Variants in RNF157 observed in about 807,000 individuals in gnomAD.
The protein encoded by RNF157 is E3 ubiquitin ligase RNF157.
Under a neutral mutation model 88.3 loss-of-function variants are expected in RNF157, and 55 were observed. The observed-to-expected ratio is 0.62, with a 90% CI of 0.50 to 0.78. RNF157 has a LOEUF of 0.78. Ranked by LOEUF, RNF157 falls within the 30% of genes least tolerant of loss-of-function variation. The pLI is 0.00. For synonymous variants in RNF157, 334 were observed against 341.2 expected, an observed-to-expected ratio of 0.98 and a Z score of 0.23; for missense variants, 788 against 860.8, an observed-to-expected ratio of 0.92 and a Z score of 1.06.
intron 2 of RNF157, among the ~76,000 whole-genome samples, chr17:76,197,119 T>C (rs2069490962): frequency 6.6e-6 from 1 of 152,134 alleles, no homozygotes; most frequent in African/African-American, 2.4e-5. Context: ...CACAGCCAGA[T>C]GGCAATGAGG....
rs768254641 is a variant in RNF157 at position 76,161,562 on chromosome 17, G to C, written c.1038C>G (p.Ser346=). 1.2e-6 allele frequency: 2 copies of C among 1,613,996 alleles called. No individual in the cohort carries two copies. Among genetic ancestry groups the C allele is most frequent in the Non-Finnish European group, 1.7e-6 (2 of 1,180,012 alleles). ...GATGCTCTTCAGAGTCAGATGTCTG[G>C]GATGAGATGATGGGGTTAAAGCTGG... The part of the protein sequence containing the change: ...SPTSFNPIIS[S]QTSDSEEHPS... The change falls in exon 11 of 19, where the codon TCC becomes TCG. Residue 346 remains serine (S), a synonymous_variant. Coordinates refer to ENST00000269391, the MANE Select transcript of RNF157 (RefSeq NM_052916.3). This position sits in a 1 kb window ranked among gnomAD's most constrained non-coding sequence, Gnocchi z 4.6.
At position 76,199,790 on chromosome 17, in the gene RNF157, T is replaced by C. The variant is rs1050417571; in HGVS notation, c.207+12574A>G. ...CGTCTCTCTGAAGATCCACCTACCA[T>C]AGAAATCCAACTCCATAAAACAGAG... is the stretch of plus-strand genomic sequence containing the variant. On this transcript the variant is annotated intron_variant, in intron 2 of 18. Coordinates refer to ENST00000269391, the MANE Select transcript of RNF157 (RefSeq NM_052916.3). Among the ~76,000 whole-genome samples, 5 of 152,032 alleles carry C rather than the reference T, an allele frequency of 3.3e-5. No homozygotes were observed. The South Asian group carries it at 8.3e-4, about 25-fold the overall frequency.
chr17:76,220,238 C>T (rs189606441), intron 1 of RNF157, among the ~76,000 whole-genome samples: 9 of 152,020 alleles, frequency 5.9e-5, no homozygotes, highest in Admixed American at 5.2e-4. Context: ...ATAACAAGGA[C>T]GCTCTCTAAA....
chr17:76,167,166 C>T (rs72868716), intron 4 of RNF157, 40 bp from the exon 5 acceptor site: 110,522 of 1,447,670 alleles, frequency 0.076, 4,778 homozygotes, highest in Middle Eastern at 0.12. Context: ...AGTCAGTATC[C>T]GGCACAGATG....
intron 1 of RNF157, among the ~76,000 whole-genome samples, chr17:76,216,883 C>A (rs985044654): frequency 6.6e-6 from 1 of 151,126 alleles, no homozygotes; most frequent in South Asian, 2.1e-4. Flanking sequence ...AGAGCAAGAC[C>A]CTGTGTCAAA....
chr17:76,150,715 G>T (rs1176858665), intron 18 of RNF157, among the ~76,000 whole-genome samples: 1 of 152,190 alleles, frequency 6.6e-6, no homozygotes, highest in East Asian at 1.9e-4. Flanking sequence ...TCCCATTTTT[G>T]TAAAGCAGAA....
At chr17:76,226,468 CA>C (rs1224633938) in intron 1 of RNF157, 1 of 1,608,670 alleles carries the variant, frequency 6.2e-7, no homozygotes, top group African/African-American at 1.3e-5. Flanking sequence ...CCAACGTGGT[CA>C]AAAGGTCATC....
intron 3 of RNF157, among the ~76,000 whole-genome samples, chr17:76,168,288 C>T (rs1018983800): frequency 5.9e-5 from 9 of 152,110 alleles, no homozygotes; most frequent in South Asian, 2.1e-4. Flanking sequence ...GTAGGAACTC[C>T]GCCATCCCCC....
intron 1 of RNF157, among the ~76,000 whole-genome samples, chr17:76,223,316 T>C (rs1350872862): frequency 6.6e-6 from 1 of 151,824 alleles, no homozygotes; most frequent in South Asian, 2.1e-4. Context: ...GCCTTGCAAG[T>C]AGCTGGGATT....
At chr17:76,230,489 T>C (rs2070168241) in intron 1 of RNF157, among the ~76,000 whole-genome samples, 2 of 152,010 alleles carry the variant, frequency 1.3e-5, no homozygotes, top group Non-Finnish European at 2.9e-5. Flanking sequence ...CTTCTAAGAG[T>C]TTCCTACCAA....
intron 2 of RNF157, among the ~76,000 whole-genome samples, chr17:76,178,028 T>C (rs1350052140): frequency 3.3e-5 from 5 of 152,222 alleles, no homozygotes. Flanking sequence ...CCTCTTCGTC[T>C]TGCTCACCCT....
Position 76,220,930 on chromosome 17 carries a change from C to T in RNF157, c.89-8448G>A, listed in dbSNP as rs1036703080. On this transcript the variant is annotated intron_variant, in intron 1 of 18. Coordinates refer to ENST00000269391, the MANE Select transcript of RNF157 (RefSeq NM_052916.3). ...CCGAGATTGCGCCATTGTACTCTGA[C>T]CTGGGCAATAAAGTGAGATGCTGTC... 2.7e-5 allele frequency among the ~76,000 whole-genome samples: 4 copies of T among 150,494 alleles called. No homozygotes were observed. In the East Asian group the frequency reaches 5.9e-4, roughly 22 times the overall value.
chr17:76,166,390 C>T, intron 6 of RNF157, 71 bp downstream of exon 6: 5 of 1,290,832 alleles, frequency 3.9e-6, no homozygotes, highest in Non-Finnish European at 5.6e-6. Context: ...GTTCTGGGGC[C>T]ACAGCTGCTG....
chr17:76,162,486 G>T, intron 9 of RNF157, 66 bp downstream of exon 9: 2 of 1,219,370 alleles, frequency 1.6e-6, no homozygotes, highest in Non-Finnish European at 2.4e-6. Flanking sequence ...ATTTCTGGAC[G>T]CTGGCTTACG....
In RNF157 at chr17:76,179,216, G is replaced by A. The variant is rs558102196; in HGVS notation, c.208-5426C>T. Among the ~76,000 whole-genome samples, 54 of 151,558 alleles carry A rather than the reference G, an allele frequency of 3.6e-4. 1 individual carries two copies. Among genetic ancestry groups the A allele is most frequent in the Non-Finnish European group, 6.8e-4 (46 of 67,858 alleles). On this transcript the variant is annotated intron_variant, in intron 2 of 18. Transcript: ENST00000269391. ...TTGAGACCAGCCTGGGCAACATGGCGAGACTTTGTCCCCACAAAAAATGTA... is the reference window on the plus strand; with the variant it reads ...TTGAGACCAGCCTGGGCAACATGGCAAGACTTTGTCCCCACAAAAAATGTA...
chr17:76,155,108 C>T, intron 16 of RNF157, 144 bp downstream of exon 16: 1 of 715,624 alleles, frequency 1.4e-6, no homozygotes, highest in Non-Finnish European at 2.5e-6. Context: ...TACCCACATT[C>T]CACTTCTCAC....
In RNF157 at chr17:76,159,328, T is replaced by C. The variant is rs1358169037; in HGVS notation, c.1304+7A>G. ...GGGGGCAACAGTGTGGAGCACTGGCTACTCACTTGGAGAGACTCTTTTTGA... is the reference window on the plus strand; with the variant it reads ...GGGGGCAACAGTGTGGAGCACTGGCCACTCACTTGGAGAGACTCTTTTTGA... On this transcript the variant is annotated splice_region_variant and intron_variant, in intron 12 of 18. Coordinates refer to ENST00000269391, the MANE Select transcript of RNF157 (RefSeq NM_052916.3). 5 of 1,608,818 alleles carry C rather than the reference T, an allele frequency of 3.1e-6. No homozygotes were observed. The South Asian group carries it at 5.5e-5, about 18-fold the overall frequency.
intron 2 of RNF157, among the ~76,000 whole-genome samples, chr17:76,181,597 C>T (rs1354161610): frequency 3.9e-5 from 6 of 151,990 alleles, no homozygotes; most frequent in East Asian, 1.9e-4. Context: ...TAAAATATGG[C>T]GACTTCTTCA....
chr17:76,231,031 T>G (rs1173556578), intron 1 of RNF157, among the ~76,000 whole-genome samples: 1 of 151,788 alleles, frequency 6.6e-6, no homozygotes, highest in African/African-American at 2.4e-5. Context: ...CTTGACCTCC[T>G]GGGCTGAGGC....
Sources: gnomAD v4.1 joint callset for allele counts (sites outside exome capture counted in the v4.1 genomes callset) on GRCh38, gnomAD v4.1.1 for gene constraint, Gnocchi (gnomAD v3.1) non-coding constraint, MANE v1.5 for transcripts, NCBI Gene and HGNC (gene_info 2026-07-23, HGNC 2026-07-21) for gene names.